The following ATOH8 variants were observed in gnomAD, a reference collection of about 807,000 sequenced individuals.
ATOH8 encodes the protein transcription factor ATOH8.
ATOH8 carries 9 observed loss-of-function variants against 21.2 expected under a neutral mutation model. That is an observed-to-expected ratio of 0.42 (90% CI 0.26 to 0.74). ATOH8 has a LOEUF of 0.74. Ranked by LOEUF, ATOH8 falls within the 30% of genes least tolerant of loss-of-function variation. The pLI is 0.24. For missense variants in ATOH8, 524 were observed against 470.9 expected, an observed-to-expected ratio of 1.11 and a Z score of -1.04; for synonymous variants, 253 against 224.0, an observed-to-expected ratio of 1.13 and a Z score of -1.16.
intron 1 of ATOH8, among the ~76,000 whole-genome samples, chr2:85,755,863 G>A (rs1051845992): frequency 1.2e-4 from 19 of 152,234 alleles, no homozygotes; most frequent in African/African-American, 4.1e-4. Context: ...AGGGCGTGGG[G>A]AAGGGTTAGG....
At chr2:85,759,868 G>T (rs943497957) in intron 1 of ATOH8, among the ~76,000 whole-genome samples, 1 of 152,136 alleles carries the variant, frequency 6.6e-6, no homozygotes, top group African/African-American at 2.4e-5. Flanking sequence ...AGCATGGAGG[G>T]CTTTGAGGCC....
chr2:85,754,554 C>G lies in ATOH8; in HGVS notation c.365C>G (p.Pro122Arg). 6.9e-7 allele frequency: 1 copy of G among 1,439,320 alleles called. No individual in the cohort carries two copies. Among genetic ancestry groups the G allele is most frequent in the Non-Finnish European group, 9.0e-7 (1 of 1,108,148 alleles). 89.2% of individuals were successfully genotyped at this position (1,439,320 alleles called of 1,614,324 possible). A position where few individuals can be genotyped will look rare whatever the true frequency, so the allele number is the denominator to read the frequency against. ...CTAGGCGCAGTGGGGCCAGGACTCC[C>G]CACGCCGCCGCCGCCGCCGCCTCCT... ...FALGAVGPGL[P>R]TPPPPPPPAP... The change falls in exon 1 of 3, where the codon CCC becomes CGC. Residue 122 changes from proline (P) to arginine (R), a missense_variant. Pro to Arg is a moderately radical substitution (Grantham distance 103). Transcript: ENST00000306279.
In ATOH8 at chr2:85,781,074, A is replaced by G. The variant is rs763313853; in HGVS notation, c.961-5811A>G. Reference sequence around the variant, plus strand: ...ATGTGAAAGCAGATCTGTCAAACGCAAGGATGTCCAGGCTTGAGTGTTAAA... The same window carrying G: ...ATGTGAAAGCAGATCTGTCAAACGCGAGGATGTCCAGGCTTGAGTGTTAAA... On this transcript the variant is annotated intron_variant, in intron 2 of 2. Coordinates refer to ENST00000306279, the MANE Select transcript of ATOH8 (RefSeq NM_032827.7). 3.1e-4 allele frequency: 310 copies of G among 987,982 alleles called. 1 individual carries two copies. Among genetic ancestry groups the G allele is most frequent in the Non-Finnish European group, 3.6e-4 (296 of 830,134 alleles). 61.2% of individuals were successfully genotyped at this position (987,982 alleles called of 1,614,324 possible).
chr2:85,764,081 G>A lies in ATOH8; in HGVS notation c.859G>A (p.Asp287Asn). Residue 287 changes from aspartate to asparagine, a missense_variant, in exon 2 of 3, where the codon GAC becomes AAC. Asp to Asn is a conservative substitution (Grantham distance 23, BLOSUM62 1). Transcript: ENST00000306279. ...NYILSLARLA[D>N]LDYSADHSNL... ...CATCCTGTCCCTGGCGCGGCTGGCT[G>A]ACCTTGACTACAGTGCCGACCACAG... 1 of 1,614,186 alleles carries A rather than the reference G, an allele frequency of 6.2e-7. No individual in the cohort carries two copies. The highest frequency in any genetic ancestry group is 8.5e-7 in the Non-Finnish European group (1 of 1,180,038).
At chr2:85,775,230 C>G (rs1364179472) in intron 2 of ATOH8, 1 of 985,280 alleles carries the variant, frequency 1.0e-6, no homozygotes, top group Non-Finnish European at 1.2e-6. Flanking sequence ...GCCCCTTTCT[C>G]TTTGTGTCCT....
chr2:85,782,070 G>A (rs1680511802), intron 2 of ATOH8, among the ~76,000 whole-genome samples: 1 of 152,018 alleles, frequency 6.6e-6, no homozygotes, highest in Non-Finnish European at 1.5e-5. Flanking sequence ...ACTTAACAGT[G>A]AAAGGCAAAC....
Position 85,790,010 on chromosome 2 carries a change from A to G in ATOH8, c.*3120A>G, listed in dbSNP as rs928729458. On this transcript the variant is annotated 3_prime_UTR_variant, in exon 3 of 3. Transcript: ENST00000306279. ...GTACATTTCCAGAAAATGGAATTAC[A>G]TTTCAGATAGATTCAGATTCCAACG... Among the ~76,000 whole-genome samples, 2 of 152,228 alleles carry G rather than the reference A, an allele frequency of 1.3e-5. No individual in the cohort carries two copies. The highest frequency in any genetic ancestry group is 2.4e-5 in the African/African-American group (1 of 41,458).
rs146207454 is a variant in ATOH8 at position 85,785,302 on chromosome 2, G to A, written c.961-1583G>A. On this transcript the variant is annotated intron_variant, in intron 2 of 2. Coordinates refer to ENST00000306279, the MANE Select transcript of ATOH8 (RefSeq NM_032827.7). The surrounding 1 kb of genome is among the most constrained non-coding windows in gnomAD (Gnocchi z 4.1). ...TGCCATCCCCACGGGTTTCCTTTCC[G>A]CTTCTTAATCCTCCTCCTCAGACTC... Among the ~76,000 whole-genome samples the A allele has an allele frequency of 5.3e-5, 8 of 152,352 alleles. No individual in the cohort carries two copies. Among genetic ancestry groups the A allele is most frequent in the East Asian group, 1.9e-4 (1 of 5,192 alleles).
intron 1 of ATOH8, among the ~76,000 whole-genome samples, chr2:85,755,339 T>G (rs1359283186): frequency 6.6e-6 from 1 of 152,130 alleles, no homozygotes; most frequent in East Asian, 1.9e-4. Context: ...GGGAGCCTTC[T>G]CCAGTTGGTG....
At chr2:85,763,834 G>GTT (rs1181596470) in intron 1 of ATOH8, among the ~76,000 whole-genome samples, 157 bp from the exon 2 acceptor site, 2 of 151,678 alleles carry the variant, frequency 1.3e-5, no homozygotes, top group Non-Finnish European at 2.9e-5. Context: ...GTGTGTGTGT[G>GTT]TGTGTGTGTG....
rs1304849185 is a variant in ATOH8 at position 85,788,233 on chromosome 2, G to C, written c.*1343G>C. 6.6e-6 allele frequency among the ~76,000 whole-genome samples: 1 copy of C among 151,946 alleles called. No individual in the cohort carries two copies. The highest frequency in any genetic ancestry group is 1.5e-5 in the Non-Finnish European group (1 of 67,968). On this transcript the variant is annotated 3_prime_UTR_variant, in exon 3 of 3. Coordinates refer to ENST00000306279, the MANE Select transcript of ATOH8 (RefSeq NM_032827.7). ...TGTGTGTGGAAGGGGGTGGAGGGCG[G>C]TTCCCACAGTAGTCTCAGCCTGGAC...
chr2:85,778,757 G>A (rs1333870575), intron 2 of ATOH8, among the ~76,000 whole-genome samples: 1 of 152,246 alleles, frequency 6.6e-6, no homozygotes, highest in Non-Finnish European at 1.5e-5. Context: ...GGTGATGGGA[G>A]CAGTTCCCAG....
chr2:85,768,286 G>A (rs537757250), intron 2 of ATOH8, among the ~76,000 whole-genome samples: 31 of 152,330 alleles, frequency 2.0e-4, no homozygotes, highest in Admixed American at 2.0e-3. Flanking sequence ...GTGGAAGCCT[G>A]CCTGGTAAAG....
chr2:85,754,714 G>T lies in ATOH8; in HGVS notation c.525G>T (p.Pro175=). ...CACCCCCAGCACCGCCAGCGCCCCC[G>T]GAGTCCACTGTGCGCCCTGCGCCCC... The part of the protein sequence containing the change: ...PSAPPAPPAP[P]ESTVRPAPPT... The change falls in exon 1 of 3, where the codon CCG becomes CCT. Residue 175 remains proline, a synonymous_variant. Transcript: ENST00000306279. 26 of 1,611,160 alleles carry T rather than the reference G, an allele frequency of 1.6e-5. No homozygotes were observed. Among genetic ancestry groups the T allele is most frequent in the Non-Finnish European group, 2.1e-5 (25 of 1,179,100 alleles).
intron 1 of ATOH8, chr2:85,760,823 C>G (rs1419956598): frequency 1.3e-5 from 2 of 152,262 alleles, no homozygotes; most frequent in Non-Finnish European, 2.9e-5. Flanking sequence ...GTGAGCTGCC[C>G]AGGCATTGCT....
intron 2 of ATOH8, among the ~76,000 whole-genome samples, chr2:85,771,424 C>A (rs964286493): frequency 6.6e-6 from 1 of 152,164 alleles, no homozygotes; most frequent in East Asian, 1.9e-4. Context: ...GAGGAAATCT[C>A]ATGAATTTAT....
chr2:85,768,554 T>C (rs1680088658), intron 2 of ATOH8, among the ~76,000 whole-genome samples: 1 of 151,218 alleles, frequency 6.6e-6, no homozygotes. Context: ...ATGCAGGGAC[T>C]GCTTCCCTCA....
chr2:85,786,513 A>G (rs1416126383), intron 2 of ATOH8, among the ~76,000 whole-genome samples: 1 of 152,096 alleles, frequency 6.6e-6, no homozygotes, highest in Non-Finnish European at 1.5e-5. Context: ...CCTGCAGAGG[A>G]GCCTGCCACC....
At chr2:85,756,030 C>G (rs192027994) in intron 1 of ATOH8, among the ~76,000 whole-genome samples, 12 of 151,380 alleles carry the variant, frequency 7.9e-5, no homozygotes, top group African/African-American at 2.4e-4. Flanking sequence ...TTGGATCACT[C>G]TCCTCTTCCT....
Sources: allele counts gnomAD v4.1 joint callset (sites outside exome capture counted in the v4.1 genomes callset), GRCh38; gene constraint gnomAD v4.1.1; non-coding constraint Gnocchi (gnomAD v3.1); transcripts MANE v1.5; gene names NCBI Gene and HGNC (gene_info 2026-07-23, HGNC 2026-07-21).